HHIP: variants seen among roughly 807,000 people sequenced by gnomAD.
The protein encoded by HHIP is hedgehog interacting protein.
HHIP carries 12 observed loss-of-function variants against 74.0 expected under a neutral mutation model. The ratio of observed to expected loss-of-function variants is 0.16; its 90% CI spans 0.10 to 0.26. The LOEUF is 0.26. Among genes scored for constraint, HHIP ranks in the 10% least tolerant of loss-of-function variants. HHIP has a pLI of 1.00. For synonymous variants in HHIP, 309 were observed against 311.6 expected, an observed-to-expected ratio of 0.99 and a Z score of 0.09; for missense variants, 788 against 845.0, an observed-to-expected ratio of 0.93 and a Z score of 0.84.
rs1388068812 is a variant in HHIP, at chr4:144,743,327, C to A, written c.*5370C>A. On this transcript the variant is annotated 3_prime_UTR_variant, in exon 13 of 13. Transcript: ENST00000296575. ...TCATTAAATATGAACCTAAGGCATACCCATCATTTACCTTGATTCCCATAT... is the reference window on the plus strand; with the variant it reads ...TCATTAAATATGAACCTAAGGCATAACCATCATTTACCTTGATTCCCATAT... The A allele has an allele frequency of 6.6e-6, 1 of 151,538 alleles. No homozygotes were observed. The highest frequency in any genetic ancestry group is 1.5e-5 in the Non-Finnish European group (1 of 67,836). 9.4% of individuals were successfully genotyped at this position (151,538 alleles called of 1,614,324 possible).
In HHIP at chr4:144,706,506, C is replaced by A. The variant is rs202087274; in HGVS notation, c.832-25C>A. The A allele has an allele frequency of 1.3e-4, 198 of 1,562,558 alleles. 1 individual carries two copies. In the South Asian group the frequency reaches 2.3e-3, roughly 18 times the overall value. On this transcript the variant is annotated intron_variant, in intron 4 of 12. Transcript: ENST00000296575. ...AAAGAACATAATTAACTTTACAATT[C>A]TTTGTGTTTTTCATTTGACTGCAGG...
intron 10 of HHIP, among the ~76,000 whole-genome samples, chr4:144,716,788 G>A (rs951460922): frequency 4.7e-4 from 65 of 138,150 alleles, no homozygotes; most frequent in African/African-American, 1.6e-3. Context: ...GGCGGAGGTT[G>A]CAGTGAGCCA....
In HHIP at chr4:144,658,778, TA is replaced by T; in HGVS notation, c.473-11del. On this transcript the variant is annotated splice_polypyrimidine_tract_variant and intron_variant, in intron 2 of 12. Transcript: ENST00000296575. Reference sequence around the variant, plus strand: ...TAGGTGCTTCTAATGAGTCTTTTTATATTTTTTAAAGGTTTCCTTCAAACAA... The same window carrying T: ...TAGGTGCTTCTAATGAGTCTTTTTATTTTTTTAAAGGTTTCCTTCAAACAA... 1 of 1,606,240 alleles carries T rather than the reference TA, an allele frequency of 6.2e-7. No individual in the cohort carries two copies. The highest frequency in any genetic ancestry group is 8.5e-7 in the Non-Finnish European group (1 of 1,175,988).
intron 11 of HHIP, among the ~76,000 whole-genome samples, chr4:144,723,983 T>C (rs970036940): frequency 6.6e-6 from 1 of 152,194 alleles, no homozygotes. Context: ...AGATTTCCTG[T>C]TGTGGTGCAC....
At chr4:144,693,578 C>G (rs1729734401) in intron 4 of HHIP, among the ~76,000 whole-genome samples, 1 of 151,844 alleles carries the variant, frequency 6.6e-6, no homozygotes, top group African/African-American at 2.4e-5. Flanking sequence ...AGAGTTTTTT[C>G]TTTTGTGACT....
At chr4:144,734,243 AAAAAC>A (rs1358107979) in intron 11 of HHIP, among the ~76,000 whole-genome samples, 1 of 151,900 alleles carries the variant, frequency 6.6e-6, no homozygotes, top group East Asian at 1.9e-4. Context: ...AATTAAAAAA[AAAAAC>A]AAAGATTCCA....
chr4:144,651,661 A>G (rs775735313), intron 1 of HHIP, among the ~76,000 whole-genome samples: 2 of 152,092 alleles, frequency 1.3e-5, no homozygotes, highest in Non-Finnish European at 2.9e-5. Flanking sequence ...TGACAGCACT[A>G]CATTTCACAT....
intron 4 of HHIP, among the ~76,000 whole-genome samples, chr4:144,699,828 T>A (rs968628275): frequency 6.6e-6 from 1 of 152,046 alleles, no homozygotes; most frequent in Non-Finnish European, 1.5e-5. Context: ...CTCAGGGGAT[T>A]GACTCCTGTT....
At chr4:144,675,088 C>T (rs887866409) in intron 4 of HHIP, among the ~76,000 whole-genome samples, 1 of 152,096 alleles carries the variant, frequency 6.6e-6, no homozygotes, top group Admixed American at 6.6e-5. Context: ...TAATAAAATG[C>T]TTAACCTAAT....
intron 11 of HHIP, among the ~76,000 whole-genome samples, chr4:144,720,076 C>T: frequency 6.6e-6 from 1 of 152,192 alleles, no homozygotes; most frequent in East Asian, 1.9e-4. Context: ...TCACATATCA[C>T]AGGTTGATAA....
intron 4 of HHIP, 148 bp downstream of exon 4, chr4:144,659,986 G>T (rs1368726202): frequency 3.2e-6 from 2 of 617,026 alleles, no homozygotes; most frequent in African/African-American, 3.7e-5. Flanking sequence ...AATAATTATG[G>T]CACCTGAATT....
chr4:144,683,401 T>C (rs541645280), intron 4 of HHIP, among the ~76,000 whole-genome samples: 4 of 152,348 alleles, frequency 2.6e-5, no homozygotes, highest in East Asian at 3.8e-4. Context: ...TTGTGGCTAA[T>C]TACAACATTT....
chr4:144,665,662 T>C (rs1458595187), intron 4 of HHIP, among the ~76,000 whole-genome samples: 1 of 152,260 alleles, frequency 6.6e-6, no homozygotes, highest in Non-Finnish European at 1.5e-5. Context: ...TTCATTATTT[T>C]TGAATTTGCT....
chr4:144,725,566 T>G (rs1467293059), intron 11 of HHIP, among the ~76,000 whole-genome samples: 1 of 152,206 alleles, frequency 6.6e-6, no homozygotes, highest in East Asian at 1.9e-4. Flanking sequence ...ATTTATTTTT[T>G]GATGATTTCT....
chr4:144,713,957 T>G (rs540924527), intron 8 of HHIP, among the ~76,000 whole-genome samples: 50 of 152,276 alleles, frequency 3.3e-4, no homozygotes, highest in African/African-American at 1.1e-3. Context: ...GATTCTAATT[T>G]CATTGAAAAC....
intron 10 of HHIP, among the ~76,000 whole-genome samples, chr4:144,716,618 C>T (rs183898923): frequency 6.6e-6 from 1 of 152,034 alleles, no homozygotes; most frequent in African/African-American, 2.4e-5. Flanking sequence ...GAGGCCAAGG[C>T]AGGTGGATCG....
At position 144,652,690 on chromosome 4, in the gene HHIP, T is replaced by G. The variant is rs747454126; in HGVS notation, c.365T>G (p.Leu122Arg). The part of the protein sequence containing the change: ...CALCSPHSQS[L>R]FHSPEREVLE... ...CTTTGCTCTCCACATTCTCAAAGCC[T>G]GTTCCACTCACCTGAGAGAGAAGTC... Residue 122 changes from leucine (L) to arginine (R), a missense_variant, in exon 2 of 13, where the codon CTG (leucine) becomes CGG (arginine). Physicochemically the swap from Leu to Arg is moderately radical, Grantham distance 102. Coordinates refer to ENST00000296575, the MANE Select transcript of HHIP (RefSeq NM_022475.3). 3.7e-6 allele frequency: 6 copies of G among 1,611,318 alleles called. No homozygotes were observed. The highest frequency in any genetic ancestry group is 1.3e-5 in the African/African-American group (1 of 74,876).
intron 1 of HHIP, among the ~76,000 whole-genome samples, chr4:144,649,469 A>G (rs1728360132): frequency 1.3e-5 from 2 of 152,302 alleles, no homozygotes; most frequent in Middle Eastern, 3.4e-3. Flanking sequence ...AATTTTTTGT[A>G]TATTTTAATA....
At position 144,672,851 on chromosome 4, in the gene HHIP, G is replaced by T. The variant is rs528762770; in HGVS notation, c.831+13013G>T. On this transcript the variant is annotated intron_variant, in intron 4 of 12. Transcript: ENST00000296575. ...CAAGTAGCTGGGATTACAGGCACCT[G>T]CCACCATGCCCAGCTATTTTTTGTA... 9.2e-5 allele frequency among the ~76,000 whole-genome samples: 14 copies of T among 152,180 alleles called. No homozygotes were observed. The East Asian group carries it at 2.7e-3, about 29-fold the overall frequency.
Sources: gnomAD v4.1 joint callset for allele counts (sites outside exome capture counted in the v4.1 genomes callset) on GRCh38, gnomAD v4.1.1 for gene constraint, MANE v1.5 for transcripts, NCBI Gene and HGNC (gene_info 2026-07-23, HGNC 2026-07-21) for gene names.